INTS2: variants seen among roughly 807,000 people sequenced by gnomAD.
INTS2 encodes integrator complex subunit 2.
A neutral mutation model predicts 139.6 loss-of-function variants in INTS2; 57 were observed. The ratio of observed to expected loss-of-function variants is 0.41; its 90% CI spans 0.33 to 0.51. The LOEUF (loss-of-function observed/expected upper bound fraction) is 0.51, where lower values mean the gene tolerates loss of function less well. Ranked by LOEUF, INTS2 falls within the 20% of genes least tolerant of loss-of-function variation. The pLI is 0.28. For missense variants in INTS2, 1,196 were observed against 1,436.7 expected (o/e 0.83, Z 2.71); for synonymous variants, 473 against 493.4 (o/e 0.96, Z 0.55).
chr17:61,868,938 A>G lies in INTS2; in HGVS notation c.3244+96T>C, dbSNP rs555125252. 8.0e-5 allele frequency: 58 copies of G among 724,184 alleles called. No individual in the cohort carries two copies. The East Asian group carries it at 1.4e-3, about 18-fold the overall frequency. 44.9% of individuals were successfully genotyped at this position (724,184 alleles called of 1,614,324 possible). Reference sequence around the variant, plus strand: ...CACATATTGTATCATACTGTCTCAGAGTGACAGAAAAAACATATTGCATCA... The same window carrying G: ...CACATATTGTATCATACTGTCTCAGGGTGACAGAAAAAACATATTGCATCA... On this transcript the variant is annotated intron_variant, in intron 23 of 24. Coordinates refer to ENST00000251334, the MANE Select transcript of INTS2 (RefSeq NM_001351695.2). This position sits in a 1 kb window ranked among gnomAD's most constrained non-coding sequence, Gnocchi z 4.7.
intron 8 of INTS2, among the ~76,000 whole-genome samples, chr17:61,905,431 A>C (rs1382559307): frequency 6.6e-6 from 1 of 152,118 alleles, no homozygotes; most frequent in Non-Finnish European, 1.5e-5. Flanking sequence ...AGTTCAAGCA[A>C]TTCTCCTGCC....
chr17:61,927,567 A>T (rs9913705), intron 1 of INTS2, 87 bp downstream of exon 1: 1 of 1,016,852 alleles, frequency 9.8e-7, no homozygotes, highest in South Asian at 2.5e-5. Context: ...ACTAGAACCA[A>T]TAAGTCCCTC....
chr17:61,876,500 A>G lies in INTS2; in HGVS notation c.2456+1387T>C, dbSNP rs1005960375. Among the ~76,000 whole-genome samples the G allele has an allele frequency of 1.1e-4, 17 of 151,980 alleles. No individual in the cohort carries two copies. Among genetic ancestry groups the G allele is most frequent in the Middle Eastern group, 3.4e-3 (1 of 294 alleles). On this transcript the variant is annotated intron_variant, in intron 18 of 24. Transcript: ENST00000251334. The surrounding 1 kb of genome is among the most constrained non-coding windows in gnomAD (Gnocchi z 4.1). ...TTTTTTGAGACAGGGTTTCAGTGGC[A>G]CGATCTCACCTCACTGAAGCCTCCA...
chr17:61,925,601 T>A (rs2079703131), intron 2 of INTS2, among the ~76,000 whole-genome samples: 1 of 151,568 alleles, frequency 6.6e-6, no homozygotes, highest in South Asian at 2.1e-4. Context: ...TAAAAATAAA[T>A]AAATAAATAC....
intron 3 of INTS2, among the ~76,000 whole-genome samples, chr17:61,923,253 G>A (rs938317599): frequency 1.4e-4 from 21 of 150,716 alleles, no homozygotes; most frequent in Admixed American, 8.6e-4. Context: ...CAAGGAGGGC[G>A]GATCACGAGA....
rs533513885 is a variant in INTS2 at position 61,888,885 on chromosome 17, C to T, written c.1984+901G>A. The stretch of plus-strand genomic sequence containing the variant: ...TAAAAATACAAAAAAATTAGCCGGG[C>T]GTCGTAGCAGGCGCCTGTAGTCCCA... On this transcript the variant is annotated intron_variant, in intron 15 of 24. Coordinates refer to ENST00000251334, the MANE Select transcript of INTS2 (RefSeq NM_001351695.2). Among the ~76,000 whole-genome samples the T allele has an allele frequency of 3.5e-3, 525 of 152,000 alleles. 1 individual carries two copies. Among genetic ancestry groups the T allele is most frequent in the Middle Eastern group, 6.8e-3 (2 of 294 alleles).
At chr17:61,907,317 C>A in intron 8 of INTS2, 91 bp downstream of exon 8, 1 of 1,083,028 alleles carries the variant, frequency 9.2e-7, no homozygotes, top group South Asian at 1.5e-5. Context: ...AAACTTTAAT[C>A]CTCTGAATAA....
Position 61,897,441 on chromosome 17 carries a change from T to C in INTS2, c.1494+28A>G, listed in dbSNP as rs777562771. 54 of 1,363,942 alleles carry C rather than the reference T, an allele frequency of 4.0e-5. No homozygotes were observed. Among genetic ancestry groups the C allele is most frequent in the Admixed American group, 5.2e-5 (2 of 38,464 alleles). The allele number at this position is 1,363,942 out of a possible 1,614,324, so 84.5% of individuals were successfully genotyped here. On this transcript the variant is annotated intron_variant, in intron 11 of 24. Transcript: ENST00000251334. This position sits in a 1 kb window ranked among gnomAD's most constrained non-coding sequence, Gnocchi z 4.4. ...GTCCAGCTTAGAAACACCTTTTTTT[T>C]TTTAGAAAGAAGTTAAAAGAAAATT...
chr17:61,869,944 A>C lies in INTS2; in HGVS notation c.2823T>G (p.Thr941=), dbSNP rs755355810. 1.2e-6 allele frequency: 2 copies of C among 1,613,570 alleles called. No homozygotes were observed. The highest frequency in any genetic ancestry group is 2.7e-5 in the African/African-American group (2 of 74,914). The change falls in exon 21 of 25, where the codon ACT becomes ACG. Residue 941 remains threonine (T), a synonymous_variant. Transcript: ENST00000251334. This position sits in a 1 kb window ranked among gnomAD's most constrained non-coding sequence, Gnocchi z 5.4. ...TGACACCATTTGCTTTCTCCTCTTC[A>C]GTAGGTAGGCAAATCTCTAAGAGAA... ...VQILLEICLP[T]EEEKANGVNP... is the part of the protein sequence containing the mutation.
chr17:61,889,997 C>T (rs747699204), intron 14 of INTS2, 103 bp from the exon 15 acceptor site: 2 of 693,276 alleles, frequency 2.9e-6, no homozygotes, highest in Non-Finnish European at 5.0e-6. Flanking sequence ...AGCATTGCTG[C>T]TCCTAACTCA....
At chr17:61,915,163 C>G (rs1029516437) in intron 5 of INTS2, among the ~76,000 whole-genome samples, 2 of 151,500 alleles carry the variant, frequency 1.3e-5, no homozygotes, top group Non-Finnish European at 2.9e-5. Flanking sequence ...ACAGTGAAAC[C>G]CCGTCTCTAC....
rs2079089325 is a variant in INTS2 at position 61,871,626 on chromosome 17, T to C, written c.2778+639A>G. On this transcript the variant is annotated intron_variant, in intron 20 of 24. Coordinates refer to ENST00000251334, the MANE Select transcript of INTS2 (RefSeq NM_001351695.2). The surrounding 1 kb of genome is among the most constrained non-coding windows in gnomAD (Gnocchi z 4.9). ...GGAACAATACTTGGCACACAGTAGG[T>C]GTCCCAGTAAATATTGGTTGAATGA... 6.6e-6 allele frequency among the ~76,000 whole-genome samples: 1 copy of C among 152,170 alleles called. No homozygotes were observed. The highest frequency in any genetic ancestry group is 1.5e-5 in the Non-Finnish European group (1 of 68,028).
intron 9 of INTS2, among the ~76,000 whole-genome samples, chr17:61,898,334 G>A (rs1037204236): frequency 3.3e-5 from 5 of 152,026 alleles, no homozygotes; most frequent in South Asian, 2.1e-4. Flanking sequence ...TTGCTCTGTC[G>A]CCCAGGCTGG....
chr17:61,910,804 T>C (rs1248091908), intron 7 of INTS2: 1 of 152,142 alleles, frequency 6.6e-6, no homozygotes, highest in Non-Finnish European at 1.5e-5. Context: ...GCACCAGTTC[T>C]CATGAGTCTG....
rs1159881490 is a variant in INTS2 at position 61,926,631 on chromosome 17, G to C, written c.14C>G (p.Thr5Arg). 6.2e-7 allele frequency: 1 copy of C among 1,608,978 alleles called. No individual in the cohort carries two copies. The highest frequency in any genetic ancestry group is 1.1e-5 in the South Asian group (1 of 90,244). The part of the protein sequence containing the change: MTEC[T>R]SLQFVSPFAF... ...AAAAGGGCTGACAAACTGAAGACTTGTACATTCAGTCATTATTACTGTTTG... is the reference window on the plus strand; with the variant it reads ...AAAAGGGCTGACAAACTGAAGACTTCTACATTCAGTCATTATTACTGTTTG... Residue 5 changes from threonine to arginine, a missense_variant, in exon 2 of 25, where the codon ACA becomes AGA. Transcript: ENST00000251334.
In INTS2 at chr17:61,869,557, C is replaced by T. The variant is rs1325902736; in HGVS notation, c.3031-177G>A. On this transcript the variant is annotated intron_variant, in intron 21 of 24. Transcript: ENST00000251334. The surrounding 1 kb of genome is among the most constrained non-coding windows in gnomAD (Gnocchi z 5.4). ...TGCACTAGAATAGAGATTAAACTAT[C>T]GAACATTTCATTAGGTTAAAAAAAA... 2.0e-5 allele frequency among the ~76,000 whole-genome samples: 3 copies of T among 151,562 alleles called. No homozygotes were observed. Among genetic ancestry groups the T allele is most frequent in the Non-Finnish European group, 2.9e-5 (2 of 67,890 alleles).
intron 15 of INTS2, among the ~76,000 whole-genome samples, chr17:61,887,285 C>T (rs534509959): frequency 5.3e-5 from 8 of 152,022 alleles, no homozygotes; most frequent in African/African-American, 1.9e-4. Context: ...AAGGTCGAGA[C>T]CAGCCTCACC....
intron 9 of INTS2, among the ~76,000 whole-genome samples, chr17:61,899,001 T>C (rs2079377742): frequency 2.0e-5 from 3 of 152,164 alleles, no homozygotes; most frequent in Non-Finnish European, 4.4e-5. Flanking sequence ...TAAAAATAGA[T>C]GCAACAAAAA....
Position 61,884,966 on chromosome 17 carries a change from A to G in INTS2, c.2024T>C (p.Leu675Ser). The change falls in exon 16 of 25, where the codon TTA becomes TCA. Residue 675 changes from leucine (L) to serine (S), a missense_variant. Around this residue, in one of 3 missense-constraint regions of INTS2, gnomAD observed 1,129 missense variants for 1,341.9 expected, o/e 0.84. Coordinates refer to ENST00000251334, the MANE Select transcript of INTS2 (RefSeq NM_001351695.2). ...QRKPKSYSSS[L>S]MDQIPIKFLI... is the part of the protein sequence containing the mutation. ...GAATTTGATAGGAATCTGATCCATT[A>G]AAGAAGAAGAATATGATTTGGGCTT... 1 of 1,607,108 alleles carries G rather than the reference A, an allele frequency of 6.2e-7. No homozygotes were observed. Among genetic ancestry groups the G allele is most frequent in the Non-Finnish European group, 8.5e-7 (1 of 1,176,326 alleles).
Sources: allele counts gnomAD v4.1 joint callset (sites outside exome capture counted in the v4.1 genomes callset), GRCh38; gene constraint gnomAD v4.1.1; regional missense constraint gnomAD v4.1.1; non-coding constraint Gnocchi (gnomAD v3.1); transcripts MANE v1.5; gene names NCBI Gene and HGNC (gene_info 2026-07-23, HGNC 2026-07-21).